The following ERMARD variants were observed in gnomAD, a reference collection of about 807,000 sequenced individuals.
The protein encoded by ERMARD is ER membrane associated RNA degradation.
Under a neutral mutation model 83.9 loss-of-function variants are expected in ERMARD, and 71 were observed. The observed-to-expected ratio is 0.85, with a 90% CI of 0.70 to 1.03. The LOEUF (loss-of-function observed/expected upper bound fraction) is 1.03, where lower values mean the gene tolerates loss of function less well. Among genes scored for constraint, ERMARD ranks in the 50% least tolerant of loss-of-function variants. ERMARD has a pLI of 0.00. For synonymous variants in ERMARD, 284 were observed against 298.6 expected, an observed-to-expected ratio of 0.95 and a Z score of 0.50; for missense variants, 838 against 810.9, an observed-to-expected ratio of 1.03 and a Z score of -0.41.
Position 169,752,028 on chromosome 6 carries a change from C to T in ERMARD, c.6+365C>T, listed in dbSNP as rs924197623. ...TGGCTCGTTCCTAGAAGCGCAGTTT[C>T]CTAGTCGCTGCCTGTAGGGTCCACA... On this transcript the variant is annotated intron_variant, in intron 1 of 17. Coordinates refer to ENST00000366773, the MANE Select transcript of ERMARD (RefSeq NM_018341.3). 13 of 322,936 alleles carry T rather than the reference C, an allele frequency of 4.0e-5. No homozygotes were observed. The East Asian group carries it at 5.9e-4, about 15-fold the overall frequency. 20.0% of individuals were successfully genotyped at this position (322,936 alleles called of 1,614,324 possible). A position where few individuals can be genotyped will look rare whatever the true frequency, so the allele number is the denominator to read the frequency against.
chr6:169,751,340 G>T, upstream of ERMARD: 1 of 1,613,702 alleles, frequency 6.2e-7, no homozygotes, highest in Non-Finnish European at 8.5e-7. Flanking sequence ...CGCACTCACT[G>T]CCTCCTTCTC....
At chr6:169,776,408 C>T (rs1793601859) in intron 15 of ERMARD, 47 bp from the exon 16 acceptor site, 14 of 1,589,244 alleles carry the variant, frequency 8.8e-6, no homozygotes, top group South Asian at 1.1e-5. Flanking sequence ...AGAGTGAGGC[C>T]CAGGTGAGGA....
In ERMARD at chr6:169,766,662, G is replaced by A; in HGVS notation, c.985G>A (p.Asp329Asn). 1.3e-6 allele frequency: 2 copies of A among 1,574,262 alleles called. No individual in the cohort carries two copies. Among genetic ancestry groups the A allele is most frequent in the Non-Finnish European group, 1.7e-6 (2 of 1,169,226 alleles). The part of the protein sequence containing the change: ...AESTALYTTF[D>N]QILAKHLNDG... ...GTCAACAGCTCTTTATACCACCTTT[G>A]ATCAAGTAAGTAAGTAAACTTGTAA... Residue 329 changes from aspartate to asparagine, a missense_variant, in exon 10 of 18, where the codon GAT (aspartate) becomes AAT (asparagine). Coordinates refer to ENST00000366773, the MANE Select transcript of ERMARD (RefSeq NM_018341.3).
chr6:169,761,975 G>T (rs1286869554), intron 8 of ERMARD, among the ~76,000 whole-genome samples: 1 of 150,786 alleles, frequency 6.6e-6, no homozygotes, highest in Non-Finnish European at 1.5e-5. Context: ...GAGCCACTGC[G>T]CCCAGCTGGT....
chr6:169,754,478 C>G (rs1460002517), intron 2 of ERMARD, among the ~76,000 whole-genome samples: 2 of 152,176 alleles, frequency 1.3e-5, no homozygotes, highest in Non-Finnish European at 2.9e-5. Flanking sequence ...GATGAACATA[C>G]TCTGGCCTAG....
intron 17 of ERMARD, among the ~76,000 whole-genome samples, chr6:169,779,503 G>GT (rs111514541): frequency 0.18 from 27,479 of 151,622 alleles, 2,955 homozygotes; most frequent in African/African-American, 0.31. Context: ...GTTTTGTTTT[G>GT]TTTTTTTTGG....
intron 4 of ERMARD, 131 bp downstream of exon 4, chr6:169,756,570 A>G: frequency 1.0e-6 from 1 of 970,482 alleles, no homozygotes; most frequent in Non-Finnish European, 1.5e-6. Context: ...AATTTTTAAT[A>G]TTTCCCTTTT....
rs1421570698 is a variant in ERMARD at position 169,776,331 on chromosome 6, C to G, written c.1521-124C>G. 3.9e-6 allele frequency: 6 copies of G among 1,552,612 alleles called. No homozygotes were observed. In the South Asian group the frequency reaches 7.1e-5, roughly 18 times the overall value. The stretch of plus-strand genomic sequence containing the variant: ...TTGCCGCGTGTCACGGTTGTCCCTG[C>G]AGACCAACCAGCGATACGCCGCTAG... On this transcript the variant is annotated intron_variant, in intron 15 of 17. Coordinates refer to ENST00000366773, the MANE Select transcript of ERMARD (RefSeq NM_018341.3).
chr6:169,758,853 A>G, intron 5 of ERMARD, 115 bp from the exon 6 acceptor site: 1 of 889,200 alleles, frequency 1.1e-6, no homozygotes, highest in South Asian at 1.6e-5. Context: ...ACTGCTATAT[A>G]CTAGCCAAAA....
chr6:169,755,420 G>C lies in ERMARD; in HGVS notation c.313G>C (p.Glu105Gln). 2 of 1,614,084 alleles carry C rather than the reference G, an allele frequency of 1.2e-6. No individual in the cohort carries two copies. Among genetic ancestry groups the C allele is most frequent in the Non-Finnish European group, 1.7e-6 (2 of 1,180,002 alleles). ...GTGGTTCCAGTGGACAAGTTTTCCA[G>C]AGGTTTGGCTTTTGAACAACCTTTA... Reference protein sequence around the residue: ...APWFQWTSFPELFPEIFDALE... With the variant: ...APWFQWTSFPQLFPEIFDALE... The change falls in exon 3 of 18, where the codon GAG (glutamate) becomes CAG (glutamine). Residue 105 changes from glutamate to glutamine, a missense_variant and splice_region_variant. Coordinates refer to ENST00000366773, the MANE Select transcript of ERMARD (RefSeq NM_018341.3).
Position 169,781,476 on chromosome 6 carries a change from A to C in ERMARD, c.2000A>C (p.His667Pro). 1 of 1,605,886 alleles carries C rather than the reference A, an allele frequency of 6.2e-7. No homozygotes were observed. Among genetic ancestry groups the C allele is most frequent in the South Asian group, 1.1e-5 (1 of 88,400 alleles). The change falls in exon 18 of 18, where the codon CAT becomes CCT. Residue 667 changes from histidine to proline, a missense_variant. His to Pro is a moderately conservative substitution (Grantham distance 77). Coordinates refer to ENST00000366773, the MANE Select transcript of ERMARD (RefSeq NM_018341.3). ...AGTGAGAAGAAACAAATGTTAATAC[A>C]TTTAGCCAAGAAATCCACAAGTAAA... is the stretch of plus-strand genomic sequence containing the variant. ...TFSEKKQMLI[H>P]LAKKSTSKVL... is the part of the protein sequence containing the mutation.
At position 169,762,418 on chromosome 6, in the gene ERMARD, C is replaced by A. The variant is rs111558820; in HGVS notation, c.858-11C>A. ...TGTGGAGTTTTACCTCTTTTCCCTT[C>A]AATTTCATAGGTTTGCTGACTGCGC... On this transcript the variant is annotated splice_polypyrimidine_tract_variant and intron_variant, in intron 8 of 17. Coordinates refer to ENST00000366773, the MANE Select transcript of ERMARD (RefSeq NM_018341.3). 1.6e-5 allele frequency: 26 copies of A among 1,609,018 alleles called. No individual in the cohort carries two copies. The highest frequency in any genetic ancestry group is 2.1e-5 in the Non-Finnish European group (25 of 1,177,062).
At chr6:169,774,896 A>G (rs1793399073) in intron 13 of ERMARD, among the ~76,000 whole-genome samples, 1 of 152,194 alleles carries the variant, frequency 6.6e-6, no homozygotes, top group African/African-American at 2.4e-5. Context: ...CTGGAGAGGC[A>G]CCTGCACCTC....
intron 17 of ERMARD, among the ~76,000 whole-genome samples, chr6:169,779,995 A>G (rs1216530759): frequency 6.6e-6 from 1 of 152,218 alleles, no homozygotes; most frequent in East Asian, 1.9e-4. Flanking sequence ...GAAGTTCTGG[A>G]TATCTTGTTG....
At chr6:169,756,252 C>T (rs1195640806) in intron 3 of ERMARD, 86 bp from the exon 4 acceptor site, 11 of 715,958 alleles carry the variant, frequency 1.5e-5, no homozygotes, top group South Asian at 2.8e-5. Flanking sequence ...TGAAATCTCT[C>T]GAGGTTTGAA....
At chr6:169,753,360 T>C (rs1790392918) in intron 1 of ERMARD, 1 of 154,372 alleles carries the variant, frequency 6.5e-6, no homozygotes, top group Non-Finnish European at 1.5e-5. Flanking sequence ...CAACACCGTT[T>C]AGGTAGTCAG....
rs1335633756 is a variant in ERMARD at position 169,781,468 on chromosome 6, G to A, written c.1992G>A (p.Met664Ile). 6.2e-7 allele frequency: 1 copy of A among 1,608,312 alleles called. No individual in the cohort carries two copies. Among genetic ancestry groups the A allele is most frequent in the East Asian group, 2.2e-5 (1 of 44,822 alleles). ...KMWTFSEKKQ[M>I]LIHLAKKSTS... ...GGACTTTTAGTGAGAAGAAACAAATGTTAATACATTTAGCCAAGAAATCCA... is the reference window on the plus strand; with the variant it reads ...GGACTTTTAGTGAGAAGAAACAAATATTAATACATTTAGCCAAGAAATCCA... Residue 664 changes from methionine to isoleucine, a missense_variant, in exon 18 of 18, where the codon ATG (methionine) becomes ATA (isoleucine). Physicochemically the swap from Met to Ile is conservative, Grantham distance 10. Transcript: ENST00000366773.
At chr6:169,775,184 A>G in intron 13 of ERMARD, 86 bp from the exon 14 acceptor site, 2 of 1,325,728 alleles carry the variant, frequency 1.5e-6, no homozygotes, top group Non-Finnish European at 1.1e-6. Context: ...CGTATTTTCT[A>G]GAGAGTGATG....
intron 10 of ERMARD, 149 bp downstream of exon 10, chr6:169,766,816 A>G (rs1265099052): frequency 1.2e-6 from 1 of 856,410 alleles, no homozygotes; most frequent in Non-Finnish European, 1.6e-6. Context: ...AAAAGCTGAT[A>G]ATTGATATTT....
Sources: gnomAD v4.1 joint callset for allele counts (sites outside exome capture counted in the v4.1 genomes callset) on GRCh38, gnomAD v4.1.1 for gene constraint, MANE v1.5 for transcripts, NCBI Gene and HGNC (gene_info 2026-07-23, HGNC 2026-07-21) for gene names.